DCDC2: variants seen among roughly 807,000 people sequenced by gnomAD.
DCDC2 encodes doublecortin domain containing 2.
DCDC2 carries 40 observed loss-of-function variants against 50.2 expected under a neutral mutation model. The ratio of observed to expected loss-of-function variants is 0.80; its 90% CI spans 0.62 to 1.04. The LOEUF is 1.04. Ranked by LOEUF, DCDC2 falls within the 50% of genes least tolerant of loss-of-function variation. The pLI, the probability that DCDC2 is intolerant of heterozygous loss-of-function variation, is 0.00. For synonymous variants in DCDC2, 234 were observed against 210.6 expected (o/e 1.11, Z -0.96); for missense variants, 570 against 581.9 (o/e 0.98, Z 0.21).
At chr6:24,293,723 T>C (rs9467104) in intron 4 of DCDC2, among the ~76,000 whole-genome samples, 1,861 of 152,304 alleles carry the variant, frequency 0.012, 45 homozygotes, top group African/African-American at 0.041. Flanking sequence ...CAAAACAGAA[T>C]ATACATTTTT....
intron 7 of DCDC2, among the ~76,000 whole-genome samples, chr6:24,250,882 T>TA (rs1762781425): frequency 6.6e-6 from 1 of 152,208 alleles, no homozygotes; most frequent in African/African-American, 2.4e-5. Flanking sequence ...ATGAAAAATG[T>TA]AATTTATTTC....
At chr6:24,219,419 C>A (rs897492432) in intron 7 of DCDC2, among the ~76,000 whole-genome samples, 1 of 152,194 alleles carries the variant, frequency 6.6e-6, no homozygotes, top group Non-Finnish European at 1.5e-5. Flanking sequence ...TTCAAGTTCA[C>A]AGGCAGCAAG....
intron 7 of DCDC2, among the ~76,000 whole-genome samples, chr6:24,223,187 T>A (rs1485520630): frequency 6.6e-6 from 1 of 152,262 alleles, no homozygotes; most frequent in African/African-American, 2.4e-5. Flanking sequence ...GACTTCATTA[T>A]GAATACAATT....
intron 7 of DCDC2, among the ~76,000 whole-genome samples, chr6:24,219,529 G>C (rs796436268): frequency 6.6e-6 from 1 of 152,192 alleles, no homozygotes; most frequent in Non-Finnish European, 1.5e-5. Flanking sequence ...CCCATTAGTA[G>C]ATGGTAACAT....
chr6:24,320,036 A>T (rs1759743470), intron 2 of DCDC2, among the ~76,000 whole-genome samples: 1 of 152,212 alleles, frequency 6.6e-6, no homozygotes, highest in Non-Finnish European at 1.5e-5. Context: ...GGAAAACGGT[A>T]TTCTTACTAT....
In DCDC2 at chr6:24,301,723, A is replaced by T. The variant is rs1449685711; in HGVS notation, c.549T>A (p.Ala183=). The change falls in exon 4 of 10, where the codon GCT becomes GCA. Residue 183 remains alanine, a synonymous_variant. Coordinates refer to ENST00000378454, the MANE Select transcript of DCDC2 (RefSeq NM_016356.5). ...AGATTGTTTTGACATACCTGTGAAC[A>T]GCCCCGCTCCTCAGAGTGATTTTTT... The part of the protein sequence containing the change: ...VTEKITLRSG[A]VHRLYTLEGK... 1 of 1,614,014 alleles carries T rather than the reference A, an allele frequency of 6.2e-7. No individual in the cohort carries two copies.
chr6:24,360,434 G>A (rs145314862), upstream of DCDC2, among the ~76,000 whole-genome samples: 243 of 152,336 alleles, frequency 1.6e-3, 1 homozygote, highest in African/African-American at 5.6e-3. Flanking sequence ...CTTTACGCCA[G>A]GGAAAGGATT....
In DCDC2 at chr6:24,220,877, C is replaced by CA. The variant is rs1306695501; in HGVS notation, c.923-15776_923-15775insT. Among the ~76,000 whole-genome samples, 79 of 17,520 alleles carry CA rather than the reference C, an allele frequency of 4.5e-3. 1 individual carries two copies. The highest frequency in any genetic ancestry group is 0.025 in the South Asian group (10 of 400). The allele number at this position is 17,520 out of a possible 152,430, so 11.5% of individuals were successfully genotyped here. ...AGGAGAGAGACAGAGAGCAAGAGAG[C>CA]GAGAGCGAGAGAGTGAGCGAGCGAG... On this transcript the variant is annotated intron_variant, in intron 7 of 9. Coordinates refer to ENST00000378454, the MANE Select transcript of DCDC2 (RefSeq NM_016356.5).
intron 2 of DCDC2, among the ~76,000 whole-genome samples, chr6:24,352,635 C>T (rs58938839): frequency 0.023 from 3,478 of 152,102 alleles, 83 homozygotes; most frequent in African/African-American, 0.064. Flanking sequence ...TTTTTTCTTA[C>T]GCAATATTTT....
intron 2 of DCDC2, among the ~76,000 whole-genome samples, chr6:24,333,193 C>A (rs891964529): frequency 6.6e-6 from 1 of 152,120 alleles, no homozygotes; most frequent in Non-Finnish European, 1.5e-5. Context: ...GAAGAAAGGC[C>A]AGAAGTCATG....
chr6:24,276,861 G>GAA (rs200004597), intron 7 of DCDC2, among the ~76,000 whole-genome samples: 4 of 145,404 alleles, frequency 2.8e-5, no homozygotes, highest in South Asian at 2.2e-4. Context: ...TAGAGCTAAA[G>GAA]AAAAAAAAAA....
the DCDC2 span, among the ~76,000 whole-genome samples, chr6:24,371,662 G>T: frequency 7.2e-5 from 11 of 152,210 alleles, no homozygotes; most frequent in East Asian, 2.1e-3. Context: ...CACAGCAAAA[G>T]ATACTACCAT....
At chr6:24,233,371 A>G (rs557942993) in intron 7 of DCDC2, among the ~76,000 whole-genome samples, 2 of 152,328 alleles carry the variant, frequency 1.3e-5, no homozygotes, top group South Asian at 4.1e-4. Flanking sequence ...CTGTTTCATC[A>G]AAATGCCCAA....
At chr6:24,349,110 T>C (rs1403104712) in intron 2 of DCDC2, among the ~76,000 whole-genome samples, 1 of 152,156 alleles carries the variant, frequency 6.6e-6, no homozygotes, top group Non-Finnish European at 1.5e-5. Context: ...AGACATGAGG[T>C]GCAGGAATGA....
rs930311610 is a variant in DCDC2 at position 24,231,631 on chromosome 6, G to T, written c.923-26529C>A. On this transcript the variant is annotated intron_variant, in intron 7 of 9. Coordinates refer to ENST00000378454, the MANE Select transcript of DCDC2 (RefSeq NM_016356.5). ...AATACTTAGGAAACCTTTATCTGAAGGGAGTGCTATCCTCTCCTCACTCAA... is the reference window on the plus strand; with the variant it reads ...AATACTTAGGAAACCTTTATCTGAATGGAGTGCTATCCTCTCCTCACTCAA... Among the ~76,000 whole-genome samples the T allele has an allele frequency of 3.9e-5, 6 of 151,982 alleles. 1 individual carries two copies. The highest frequency in any genetic ancestry group is 8.8e-5 in the Non-Finnish European group (6 of 68,012).
the DCDC2 span, among the ~76,000 whole-genome samples, chr6:24,364,429 T>C: frequency 6.6e-6 from 1 of 152,164 alleles, no homozygotes; most frequent in South Asian, 2.1e-4. Context: ...CAAGTCACCA[T>C]GCCTGGCTAC....
chr6:24,374,633 G>C, the DCDC2 span, among the ~76,000 whole-genome samples: 3 of 150,708 alleles, frequency 2.0e-5, no homozygotes, highest in East Asian at 5.8e-4. Flanking sequence ...GGGGTCTGGA[G>C]CTGGGCCTTA....
chr6:24,319,044 A>C (rs938296556), intron 2 of DCDC2, among the ~76,000 whole-genome samples: 4 of 152,084 alleles, frequency 2.6e-5, no homozygotes, highest in African/African-American at 9.7e-5. Context: ...TTACATTCCC[A>C]CCAACAGTGT....
chr6:24,340,381 G>A (rs547840260), intron 2 of DCDC2, among the ~76,000 whole-genome samples: 33 of 152,198 alleles, frequency 2.2e-4, no homozygotes, highest in African/African-American at 7.2e-4. Context: ...AAGAAGTACC[G>A]GCTAGCGGAA....
Sources: allele counts gnomAD v4.1 joint callset (sites outside exome capture counted in the v4.1 genomes callset), GRCh38; gene constraint gnomAD v4.1.1; transcripts MANE v1.5; gene names NCBI Gene and HGNC (gene_info 2026-07-23, HGNC 2026-07-21).